MTUS2: variants seen among roughly 807,000 people sequenced by gnomAD.
The protein encoded by MTUS2 is microtubule-associated tumor suppressor candidate 2.
MTUS2 carries 40 observed loss-of-function variants against 114.1 expected under a neutral mutation model. The ratio of observed to expected loss-of-function variants is 0.35; its 90% CI spans 0.27 to 0.46. The LOEUF is 0.46. Ranked by LOEUF, MTUS2 falls within the 20% of genes least tolerant of loss-of-function variation. MTUS2 has a pLI of 1.00. For synonymous variants in MTUS2, 688 were observed against 672.0 expected (o/e 1.02, Z -0.37); for missense variants, 1,679 against 1,705.4 (o/e 0.98, Z 0.27).
At chr13:29,050,677 G>A (rs1887852999) in intron 4 of MTUS2, among the ~76,000 whole-genome samples, 1 of 152,210 alleles carries the variant, frequency 6.6e-6, no homozygotes, top group African/African-American at 2.4e-5. Flanking sequence ...CGTGTCCTGT[G>A]TTCCTGCAGA....
intron 5 of MTUS2, among the ~76,000 whole-genome samples, chr13:29,188,416 C>G (rs1412801395): frequency 6.6e-6 from 1 of 152,144 alleles, no homozygotes; most frequent in East Asian, 1.9e-4. Context: ...GCATATCAAT[C>G]CCTAAATTGT....
intron 5 of MTUS2, among the ~76,000 whole-genome samples, chr13:29,203,560 GAA>G (rs57964712): frequency 1.2e-3 from 134 of 116,094 alleles, no homozygotes; most frequent in East Asian, 4.5e-3. Flanking sequence ...ACTGGGGTAT[GAA>G]AAAAAAAAAA....
intron 4 of MTUS2, among the ~76,000 whole-genome samples, chr13:29,045,544 C>A (rs1240768505): frequency 6.6e-6 from 1 of 152,074 alleles, no homozygotes; most frequent in Non-Finnish European, 1.5e-5. Flanking sequence ...CATGAAGGGG[C>A]AATCATTGAG....
intron 8 of MTUS2, among the ~76,000 whole-genome samples, chr13:29,398,001 T>C (rs975589329): frequency 1.1e-4 from 17 of 152,152 alleles, no homozygotes; most frequent in African/African-American, 4.1e-4. Context: ...CAGAGAATCA[T>C]AAAATAATCA....
intron 5 of MTUS2, among the ~76,000 whole-genome samples, chr13:29,179,524 G>A (rs1347092743): frequency 2.0e-5 from 3 of 152,154 alleles, no homozygotes; most frequent in African/African-American, 4.8e-5. Context: ...GATGACTGAG[G>A]AGGTGTTTAT....
rs1387143249 is a variant in MTUS2 at position 29,389,485 on chromosome 13, G to C, written c.3117+30012G>C. ...TGTATGTGTATATGTATACACGTGTGTGTATGTGTATATATGTATACACGT... is the reference window on the plus strand; with the variant it reads ...TGTATGTGTATATGTATACACGTGTCTGTATGTGTATATATGTATACACGT... On this transcript the variant is annotated intron_variant, in intron 8 of 15. Transcript: ENST00000612955. Among the ~76,000 whole-genome samples, 2 of 127,892 alleles carry C rather than the reference G, an allele frequency of 1.6e-5. 1 individual carries two copies. Among genetic ancestry groups the C allele is most frequent in the Non-Finnish European group, 3.4e-5 (2 of 59,190 alleles). The allele number at this position is 127,892 out of a possible 152,430, so 83.9% of individuals were successfully genotyped here. A position where few individuals can be genotyped will look rare whatever the true frequency, so the allele number is the denominator to read the frequency against.
chr13:29,470,474 A>C (rs114442631), intron 9 of MTUS2, among the ~76,000 whole-genome samples: 2,756 of 152,096 alleles, frequency 0.018, 81 homozygotes, highest in African/African-American at 0.063. Flanking sequence ...CCATCAATCC[A>C]TTCCTCCCCA....
At chr13:29,031,270 G>GTGGT (rs1555287201) in intron 3 of MTUS2, among the ~76,000 whole-genome samples, 112 of 22,440 alleles carry the variant, frequency 5.0e-3, no homozygotes, top group African/African-American at 0.012. Flanking sequence ...GTGTGTGTGT[G>GTGGT]GTGTGTGTTC....
intron 2 of MTUS2, among the ~76,000 whole-genome samples, chr13:28,892,681 C>G (rs1389061379): frequency 2.0e-5 from 3 of 152,064 alleles, no homozygotes. Flanking sequence ...CTCTTTCTCT[C>G]CTTCTCATTC....
chr13:28,963,957 C>T (rs532220315), intron 2 of MTUS2, among the ~76,000 whole-genome samples: 1 of 152,182 alleles, frequency 6.6e-6, no homozygotes, highest in Non-Finnish European at 1.5e-5. Flanking sequence ...TTAGATTGTC[C>T]TGCAGCTCAG....
rs930041499 is a variant in MTUS2 at position 29,505,196 on chromosome 13, A to G, written c.*1990A>G. The G allele has an allele frequency of 2.2e-5, 5 of 232,088 alleles. No individual in the cohort carries two copies. Among genetic ancestry groups the G allele is most frequent in the Non-Finnish European group, 4.3e-5 (5 of 117,112 alleles). 14.4% of individuals were successfully genotyped at this position (232,088 alleles called of 1,614,324 possible). On this transcript the variant is annotated 3_prime_UTR_variant, in exon 16 of 16. Transcript: ENST00000612955. ...TATTCTAGTAGCAGGCACAACCTGCAAACACAAATTCAGTTACAGCTTAGC... is the reference window on the plus strand; with the variant it reads ...TATTCTAGTAGCAGGCACAACCTGCGAACACAAATTCAGTTACAGCTTAGC...
chr13:29,124,809 G>A (rs912760863), intron 5 of MTUS2, among the ~76,000 whole-genome samples: 1 of 152,216 alleles, frequency 6.6e-6, no homozygotes, highest in Non-Finnish European at 1.5e-5. Context: ...AGTACATTGT[G>A]CTGAGTGAAA....
chr13:28,823,587 C>A (rs949137734), intron 1 of MTUS2, among the ~76,000 whole-genome samples: 2 of 152,220 alleles, frequency 1.3e-5, no homozygotes, highest in Non-Finnish European at 2.9e-5. Flanking sequence ...TAGTCAGGCT[C>A]CCCTGAGCCC....
chr13:28,894,279 T>G (rs896777071), intron 2 of MTUS2, among the ~76,000 whole-genome samples: 19 of 17,396 alleles, frequency 1.1e-3, no homozygotes, highest in African/African-American at 2.0e-3. Flanking sequence ...GGAGAGTTGG[T>G]GGGGGGGGGG....
At chr13:29,319,092 G>A (rs1175804733) in intron 6 of MTUS2, among the ~76,000 whole-genome samples, 12 of 152,136 alleles carry the variant, frequency 7.9e-5, no homozygotes, top group Admixed American at 5.2e-4. Flanking sequence ...TAAGGCACAC[G>A]AGGAGCCTTC....
At chr13:29,246,762 C>G (rs1046097479) in intron 5 of MTUS2, among the ~76,000 whole-genome samples, 2 of 152,078 alleles carry the variant, frequency 1.3e-5, no homozygotes, top group Non-Finnish European at 2.9e-5. Context: ...ACGGACAACA[C>G]AAACAAATGG....
At chr13:29,307,787 A>AC in intron 6 of MTUS2, 1 of 990,320 alleles carries the variant, frequency 1.0e-6, no homozygotes, top group Non-Finnish European at 1.6e-6. Context: ...AAGGAGTAAG[A>AC]CCCCCAGACC....
At chr13:29,380,059 G>A (rs1206619331) in intron 8 of MTUS2, among the ~76,000 whole-genome samples, 1 of 152,178 alleles carries the variant, frequency 6.6e-6, no homozygotes, top group Non-Finnish European at 1.5e-5. Flanking sequence ...TCTTGCAGAT[G>A]GAAATTGGAG....
chr13:29,450,272 A>C (rs1204678427), intron 9 of MTUS2, among the ~76,000 whole-genome samples: 1 of 152,156 alleles, frequency 6.6e-6, no homozygotes, highest in Non-Finnish European at 1.5e-5. Context: ...GACCTTGCCC[A>C]GATATTATTT....
Sources: allele counts gnomAD v4.1 joint callset (sites outside exome capture counted in the v4.1 genomes callset), GRCh38; gene constraint gnomAD v4.1.1; transcripts MANE v1.5; gene names NCBI Gene and HGNC (gene_info 2026-07-23, HGNC 2026-07-21).